BASP1: variants seen among roughly 807,000 people sequenced by gnomAD.
BASP1 encodes the protein brain acid soluble protein 1.
Under a neutral mutation model 2.2 loss-of-function variants are expected in BASP1, and 1 was observed. That is an observed-to-expected ratio of 0.46 (90% CI 0.16 to 2.17). The LOEUF (loss-of-function observed/expected upper bound fraction) is 2.17, where lower values mean the gene tolerates loss of function less well. BASP1 is among the 30% of genes most tolerant of loss of function. The pLI, the probability that BASP1 is intolerant of heterozygous loss-of-function variation, is 0.27. For missense variants in BASP1, 352 were observed against 327.2 expected (o/e 1.08, Z -0.58); for synonymous variants, 187 against 154.2 (o/e 1.21, Z -1.58).
At chr5:17,220,067 TATG>T (rs1235700268) in intron 1 of BASP1, among the ~76,000 whole-genome samples, 1 of 152,226 alleles carries the variant, frequency 6.6e-6, no homozygotes, top group Non-Finnish European at 1.5e-5. Flanking sequence ...AGGAGCCAAA[TATG>T]ATATTTTTTG....
Position 17,275,520 on chromosome 5 carries a change from A to G in BASP1, c.304A>G (p.Lys102Glu). The stretch of plus-strand genomic sequence containing the variant: ...GGCAGAGGCCAAGGCTGAGCCCCCG[A>G]AGGCGCCCGAGCAGGAGCAGGCGGC... ...GAAEAKAEPP[K>E]APEQEQAAPG... Residue 102 changes from lysine to glutamate, a missense_variant, in exon 2 of 2, where the codon AAG becomes GAG. By Grantham distance (56) the Lys-to-Glu change is moderately conservative. Transcript: ENST00000322611. The surrounding 1 kb of genome is among the most constrained non-coding windows in gnomAD (Gnocchi z 5.3). 6.9e-7 allele frequency: 1 copy of G among 1,440,782 alleles called. No individual in the cohort carries two copies. The highest frequency in any genetic ancestry group is 1.5e-5 in the South Asian group (1 of 67,336). 89.2% of individuals were successfully genotyped at this position (1,440,782 alleles called of 1,614,324 possible). A position where few individuals can be genotyped will look rare whatever the true frequency, so the allele number is the denominator to read the frequency against.
chr5:17,237,674 T>G (rs1044225218), intron 1 of BASP1, among the ~76,000 whole-genome samples: 2 of 148,266 alleles, frequency 1.3e-5, no homozygotes, highest in African/African-American at 5.0e-5. Flanking sequence ...CAGGCTGTAG[T>G]GCAGTGGCTC....
At chr5:17,267,466 C>G (rs1740435168) in intron 1 of BASP1, among the ~76,000 whole-genome samples, 1 of 151,552 alleles carries the variant, frequency 6.6e-6, no homozygotes, top group African/African-American at 2.4e-5. Flanking sequence ...ACATTCTGTG[C>G]TTTAATAAAT....
At chr5:17,252,224 CTAT>C (rs1271530600) in intron 1 of BASP1, among the ~76,000 whole-genome samples, 1 of 152,052 alleles carries the variant, frequency 6.6e-6, no homozygotes, top group Non-Finnish European at 1.5e-5. Flanking sequence ...TGCCATTCGG[CTAT>C]TATTTTTTGG....
At chr5:17,235,439 T>G (rs186653474) in intron 1 of BASP1, among the ~76,000 whole-genome samples, 297 of 151,876 alleles carry the variant, frequency 2.0e-3, no homozygotes, top group Non-Finnish European at 3.3e-3. Flanking sequence ...TTTTTTTGTA[T>G]TTTTAGTAGA....
intron 1 of BASP1, among the ~76,000 whole-genome samples, chr5:17,224,830 C>T (rs1038668476): frequency 6.6e-6 from 1 of 152,200 alleles, no homozygotes; most frequent in South Asian, 2.1e-4. Context: ...GAGATATGGA[C>T]CAGGCTCTAG....
At chr5:17,274,302 ACACTGG>A (rs879410619) in intron 1 of BASP1, among the ~76,000 whole-genome samples, 11 of 152,298 alleles carry the variant, frequency 7.2e-5, no homozygotes, top group Admixed American at 5.2e-4. Context: ...CCAGCAAGAG[ACACTGG>A]CTTTTTCATA....
chr5:17,225,301 C>T (rs1043250871), intron 1 of BASP1, among the ~76,000 whole-genome samples: 4 of 151,840 alleles, frequency 2.6e-5, no homozygotes, highest in Non-Finnish European at 4.4e-5. Flanking sequence ...ATCCTATATC[C>T]GTCTCATGAT....
intron 1 of BASP1, among the ~76,000 whole-genome samples, chr5:17,221,363 ATG>A (rs1427638269): frequency 1.4e-3 from 191 of 140,502 alleles, no homozygotes; most frequent in African/African-American, 4.7e-3. Context: ...TCTCTTGTAA[ATG>A]TTTTTTTTTT....
At chr5:17,256,490 A>T (rs950860205) in intron 1 of BASP1, among the ~76,000 whole-genome samples, 3 of 152,192 alleles carry the variant, frequency 2.0e-5, no homozygotes, top group Non-Finnish European at 4.4e-5. Flanking sequence ...TGCTCAATAG[A>T]ATCTAGTTGT....
intron 1 of BASP1, among the ~76,000 whole-genome samples, chr5:17,243,197 G>A (rs1470551938): frequency 6.6e-6 from 1 of 151,500 alleles, no homozygotes; most frequent in Non-Finnish European, 1.5e-5. Flanking sequence ...CGCCCAGGCT[G>A]GAGTGCAGGG....
chr5:17,234,534 T>C (rs954243002), intron 1 of BASP1, among the ~76,000 whole-genome samples: 1 of 152,252 alleles, frequency 6.6e-6, no homozygotes, highest in African/African-American at 2.4e-5. Context: ...AAGAATATGT[T>C]GCAAACTTGT....
chr5:17,255,772 G>C (rs1171379313), intron 1 of BASP1, among the ~76,000 whole-genome samples: 1 of 152,154 alleles, frequency 6.6e-6, no homozygotes, highest in African/African-American at 2.4e-5. Flanking sequence ...TCCACCTTCT[G>C]TTTCAAGTTG....
chr5:17,267,117 T>C (rs1740430681), intron 1 of BASP1, among the ~76,000 whole-genome samples: 1 of 152,246 alleles, frequency 6.6e-6, no homozygotes, highest in African/African-American at 2.4e-5. Flanking sequence ...AAAGTATCTG[T>C]AGGCTGATAC....
At chr5:17,219,374 T>A (rs1739347237) in intron 1 of BASP1, among the ~76,000 whole-genome samples, 1 of 152,188 alleles carries the variant, frequency 6.6e-6, no homozygotes. Context: ...GTGTGTGTGT[T>A]TCTTCTTTTC....
rs555210689 is a variant in BASP1, at chr5:17,218,365, A to G, written c.-10+555A>G. ...AAGTGGGTGGCTTTTTGCTTTGGCA[A>G]ACGGGTTTTCTCGACCCATGGGACT... On this transcript the variant is annotated intron_variant, in intron 1 of 1. Transcript: ENST00000322611. Among the ~76,000 whole-genome samples, 7 of 152,036 alleles carry G rather than the reference A, an allele frequency of 4.6e-5. No homozygotes were observed. In the South Asian group the frequency reaches 1.5e-3, roughly 32 times the overall value.
intron 1 of BASP1, among the ~76,000 whole-genome samples, chr5:17,263,498 T>G (rs1299405698): frequency 6.6e-6 from 1 of 152,204 alleles, no homozygotes; most frequent in Non-Finnish European, 1.5e-5. Flanking sequence ...ATTGCTCACC[T>G]CAGATATTTA....
intron 1 of BASP1, among the ~76,000 whole-genome samples, chr5:17,235,091 CA>C (rs960682204): frequency 1.3e-5 from 2 of 152,044 alleles, no homozygotes; most frequent in Non-Finnish European, 2.9e-5. Context: ...TCTTAAAACA[CA>C]GTAAGAATAT....
intron 1 of BASP1, among the ~76,000 whole-genome samples, chr5:17,229,488 C>A (rs1939905528): frequency 6.6e-6 from 1 of 152,114 alleles, no homozygotes; most frequent in African/African-American, 2.4e-5. Flanking sequence ...ATACAGGAAG[C>A]AAAACTGCAT....
Sources: allele counts gnomAD v4.1 joint callset (sites outside exome capture counted in the v4.1 genomes callset), GRCh38; gene constraint gnomAD v4.1.1; non-coding constraint Gnocchi (gnomAD v3.1); transcripts MANE v1.5; gene names NCBI Gene and HGNC (gene_info 2026-07-23, HGNC 2026-07-21).